The following NUP133 variants were observed in gnomAD, a reference collection of about 807,000 sequenced individuals.
NUP133 encodes nuclear pore complex protein Nup133.
A neutral mutation model predicts 146.2 loss-of-function variants in NUP133; 66 were observed. That is an observed-to-expected ratio of 0.45 (90% CI 0.37 to 0.55). The LOEUF (loss-of-function observed/expected upper bound fraction) is 0.55. Among genes scored for constraint, NUP133 ranks in the 20% least tolerant of loss-of-function variants. NUP133 has a pLI of 0.00. For missense variants in NUP133, 1,277 were observed against 1,374.8 expected (o/e 0.93, Z 1.12); for synonymous variants, 521 against 498.8 (o/e 1.04, Z -0.59).
chr1:229,463,488 A>AT, intron 19 of NUP133, 55 bp downstream of exon 19: 2 of 1,551,736 alleles, frequency 1.3e-6, no homozygotes, highest in Non-Finnish European at 8.7e-7. Context: ...TGGCAAAGCC[A>AT]TTTCAAGAAA....
intron 25 of NUP133, among the ~76,000 whole-genome samples, chr1:229,443,752 G>A (rs1000465989): frequency 1.4e-3 from 186 of 128,854 alleles, no homozygotes; most frequent in Middle Eastern, 5.7e-3. Flanking sequence ...TTTTTGAGAC[G>A]GAGTCTCGCT....
chr1:229,450,043 A>G (rs1314392506), intron 23 of NUP133, among the ~76,000 whole-genome samples: 2 of 147,342 alleles, frequency 1.4e-5, no homozygotes, highest in East Asian at 3.9e-4. Context: ...ATACCCATCT[A>G]ATTTTTTTTT....
chr1:229,481,195 G>GT (rs113552738), intron 12 of NUP133, among the ~76,000 whole-genome samples: 2,972 of 152,160 alleles, frequency 0.02, 88 homozygotes, highest in African/African-American at 0.068. Flanking sequence ...GTTCCTGAGG[G>GT]TACTGCTTGC....
rs1269201205 is a variant in NUP133, at chr1:229,463,572, G to A, written c.2656C>T (p.Gln886Ter). The A allele has an allele frequency of 6.2e-7, 1 of 1,614,044 alleles. No homozygotes were observed. Among genetic ancestry groups the A allele is most frequent in the East Asian group, 2.2e-5 (1 of 44,878 alleles). The change falls in exon 19 of 26, where the codon CAG (glutamine) becomes TAG (stop). Residue 886 changes from glutamine to a stop codon, truncating the protein, a stop_gained. Coordinates refer to ENST00000261396, the MANE Select transcript of NUP133 (RefSeq NM_018230.3). LOFTEE classifies it high-confidence loss of function. Reference protein sequence around the residue: ...CEQTDNQSRLQRYMTQFADQN... With the variant: ...CEQTDNQSRL ...TCAGCAAACTGGGTCATGTAGCGCTGGAGTCGGCTCTGGTTGTCAGTCTGC... is the reference window on the plus strand; with the variant it reads ...TCAGCAAACTGGGTCATGTAGCGCTAGAGTCGGCTCTGGTTGTCAGTCTGC...
Position 229,500,882 on chromosome 1 carries a change from CAG to C in NUP133, c.406-21_406-20del. The stretch of plus-strand genomic sequence containing the variant: ...CGGATAACTGTAGAACAAACCCAAA[CAG>C]AAAATCTTTCACATCAAATCCAGTA... On this transcript the variant is annotated intron_variant, in intron 3 of 25. Coordinates refer to ENST00000261396, the MANE Select transcript of NUP133 (RefSeq NM_018230.3). 6.6e-7 allele frequency: 1 copy of C among 1,518,422 alleles called. No homozygotes were observed. The highest frequency in any genetic ancestry group is 9.1e-7 in the Non-Finnish European group (1 of 1,101,556). The allele number at this position is 1,518,422 out of a possible 1,614,324, so 94.1% of individuals were successfully genotyped here.
rs978785989 is a variant in NUP133, at chr1:229,477,780, C to T, written c.1593-20G>A. ...TCTTTTCTGAAATAAAATTGGAAAA[C>T]ACAAGTATTAAGGGAGGCAAAATAT... On this transcript the variant is annotated intron_variant, in intron 12 of 25. Transcript: ENST00000261396. 1.3e-6 allele frequency: 2 copies of T among 1,595,042 alleles called. No individual in the cohort carries two copies. Among genetic ancestry groups the T allele is most frequent in the African/African-American group, 2.7e-5 (2 of 74,300 alleles).
Position 229,441,339 on chromosome 1 carries a change from A to G in NUP133, c.*565T>C, listed in dbSNP as rs972120990. 2.4e-5 allele frequency: 12 copies of G among 490,404 alleles called. No individual in the cohort carries two copies. Among genetic ancestry groups the G allele is most frequent in the African/African-American group, 2.4e-4 (12 of 50,666 alleles). The allele number at this position is 490,404 out of a possible 1,614,324, so 30.4% of individuals were successfully genotyped here. ...ATTTATTATTTATGTAGAAAAGTTT[A>G]AAATGCTCCCAATGAGTTCATCAGT... On this transcript the variant is annotated 3_prime_UTR_variant, in exon 26 of 26. Transcript: ENST00000261396.
chr1:229,464,151 A>G (rs1457970583), intron 18 of NUP133, among the ~76,000 whole-genome samples: 1 of 152,160 alleles, frequency 6.6e-6, no homozygotes, highest in Non-Finnish European at 1.5e-5. Flanking sequence ...TCTCAACAAA[A>G]AAAAAAGATG....
chr1:229,465,383 T>A, intron 17 of NUP133, 37 bp downstream of exon 17: 3 of 1,465,026 alleles, frequency 2.0e-6, no homozygotes, highest in Non-Finnish European at 2.9e-6. Flanking sequence ...TCATTAGAAA[T>A]ATATTTTGAA....
rs1489559845 is a variant in NUP133 at position 229,495,535 on chromosome 1, C to T, written c.1006G>A (p.Glu336Lys). ...TCCAAATATCGAATGTTGACTCCTT[C>T]TTTAATAGCTTCATAGTTACTTTCA... ...GSESNYEAIK[E>K]GVNIRYLDLK... Residue 336 changes from glutamate (E) to lysine (K), a missense_variant, in exon 8 of 26, where the codon GAA (glutamate) becomes AAA (lysine). Physicochemically the swap from Glu to Lys is moderately conservative, Grantham distance 56 (BLOSUM62 1). Coordinates refer to ENST00000261396, the MANE Select transcript of NUP133 (RefSeq NM_018230.3). 1.9e-6 allele frequency: 3 copies of T among 1,611,288 alleles called. No individual in the cohort carries two copies. The highest frequency in any genetic ancestry group is 8.5e-7 in the Non-Finnish European group (1 of 1,177,944).
At position 229,464,726 on chromosome 1, in the gene NUP133, C is replaced by T; in HGVS notation, c.2449G>A (p.Val817Ile). Residue 817 changes from valine (V) to isoleucine (I), a missense_variant, in exon 18 of 26, where the codon GTT (valine) becomes ATT (isoleucine). By Grantham distance (29) the Val-to-Ile change is conservative. Coordinates refer to ENST00000261396, the MANE Select transcript of NUP133 (RefSeq NM_018230.3). ...TTATCCACAGACTTAAGCTGAGAAACATAACCATCCAGGAAGCAATCGATC... is the reference window on the plus strand; with the variant it reads ...TTATCCACAGACTTAAGCTGAGAAATATAACCATCCAGGAAGCAATCGATC... ...ALIDCFLDGY[V>I]SQLKSVDKSS... is the part of the protein sequence containing the mutation. 2 of 1,614,204 alleles carry T rather than the reference C, an allele frequency of 1.2e-6. No homozygotes were observed.
chr1:229,474,017 T>C (rs1661015809), intron 14 of NUP133, among the ~76,000 whole-genome samples: 1 of 152,212 alleles, frequency 6.6e-6, no homozygotes. Context: ...TTACTGGAAG[T>C]AACATTATGT....
intron 12 of NUP133, among the ~76,000 whole-genome samples, chr1:229,481,918 G>A (rs1661221727): frequency 6.6e-6 from 1 of 152,156 alleles, no homozygotes. Context: ...CACTTGCGTT[G>A]TTTGAAGCTC....
At chr1:229,501,972 T>C (rs771319298) in intron 3 of NUP133, 27 bp downstream of exon 3, 2 of 1,508,864 alleles carry the variant, frequency 1.3e-6, no homozygotes, top group Admixed American at 3.4e-5. Context: ...TCCTCTATCT[T>C]GTTCCAGCTC....
intron 12 of NUP133, among the ~76,000 whole-genome samples, chr1:229,481,198 C>T (rs1479762205): frequency 3.9e-5 from 6 of 152,104 alleles, no homozygotes; most frequent in Non-Finnish European, 5.9e-5. Context: ...CCTGAGGGTA[C>T]TGCTTGCTCA....
chr1:229,480,948 G>A (rs187697358), intron 12 of NUP133, among the ~76,000 whole-genome samples: 112 of 151,448 alleles, frequency 7.4e-4, no homozygotes, highest in African/African-American at 2.5e-3. Flanking sequence ...GCCTGCCTTG[G>A]CCTCCAAAGT....
intron 2 of NUP133, among the ~76,000 whole-genome samples, chr1:229,504,921 G>A (rs1484916207): frequency 6.6e-6 from 1 of 152,138 alleles, no homozygotes; most frequent in Admixed American, 6.5e-5. Context: ...TATCCATACT[G>A]TATACCCCAA....
Position 229,470,869 on chromosome 1 carries a change from G to A in NUP133, c.1852-65C>T. On this transcript the variant is annotated intron_variant, in intron 14 of 25. Coordinates refer to ENST00000261396, the MANE Select transcript of NUP133 (RefSeq NM_018230.3). ...TGGTAACATGCAAAATACCATAGCTGTATTTTCCCCAGAAGCACCCTGGGC... is the reference window on the plus strand; with the variant it reads ...TGGTAACATGCAAAATACCATAGCTATATTTTCCCCAGAAGCACCCTGGGC... The A allele has an allele frequency of 2.7e-6, 4 of 1,468,734 alleles. No individual in the cohort carries two copies. The South Asian group carries it at 4.7e-5, about 17-fold the overall frequency. 91.0% of individuals were successfully genotyped at this position (1,468,734 alleles called of 1,614,324 possible).
intron 24 of NUP133, among the ~76,000 whole-genome samples, chr1:229,446,644 G>C (rs1660309129): frequency 6.6e-6 from 1 of 151,734 alleles, no homozygotes; most frequent in South Asian, 2.1e-4. Context: ...TGAGGCGGGA[G>C]AATGGCATGA....
Sources: allele counts gnomAD v4.1 joint callset (sites outside exome capture counted in the v4.1 genomes callset), GRCh38; gene constraint gnomAD v4.1.1; transcripts MANE v1.5; gene names NCBI Gene and HGNC (gene_info 2026-07-23, HGNC 2026-07-21).